Variants in SUN2 observed in about 807,000 individuals in gnomAD.
SUN2 encodes the protein SUN domain-containing protein 2.
Under a neutral mutation model 100.0 loss-of-function variants are expected in SUN2, and 60 were observed. The ratio of observed to expected loss-of-function variants is 0.60; its 90% confidence interval spans 0.49 to 0.74. The LOEUF (loss-of-function observed/expected upper bound fraction) is 0.74, where lower values mean the gene tolerates loss of function less well. Among genes scored for constraint, SUN2 ranks in the 30% least tolerant of loss-of-function variants. The pLI is 0.00. For missense variants in SUN2, 834 were observed against 954.6 expected (o/e 0.87, Z 1.66); for synonymous variants, 367 against 403.3 (o/e 0.91, Z 1.08).
chr22:38,745,224 G>A (rs998974481), intron 8 of SUN2: 1 of 469,366 alleles, frequency 2.1e-6, no homozygotes, highest in African/African-American at 2.0e-5. Context: ...CCTAGGCAAG[G>A]GCCTTGACCA....
At chr22:38,746,578 C>G (rs2092905094) in intron 7 of SUN2, among the ~76,000 whole-genome samples, 1 of 152,244 alleles carries the variant, frequency 6.6e-6, no homozygotes, top group African/African-American at 2.4e-5. Context: ...CATGCACACA[C>G]TCCCCGAGCA....
In SUN2 at chr22:38,737,628, C is replaced by G. The variant is rs1306553958; in HGVS notation, c.2040+545G>C. The stretch of plus-strand genomic sequence containing the variant: ...GTCCACCTCCCACTATCCCGCCAAC[C>G]CAATTCCTCACTCCAGGACTCCCCC... On this transcript the variant is annotated intron_variant, in intron 17 of 17. Coordinates refer to ENST00000689035, the MANE Select transcript of SUN2 (RefSeq NM_015374.3). This position sits in a 1 kb window ranked among gnomAD's most constrained non-coding sequence, Gnocchi z 4.1. 1 of 312,708 alleles carries G rather than the reference C, an allele frequency of 3.2e-6. No individual in the cohort carries two copies. The highest frequency in any genetic ancestry group is 8.9e-5 in the East Asian group (1 of 11,250). 19.4% of individuals were successfully genotyped at this position (312,708 alleles called of 1,614,324 possible).
chr22:38,752,044 C>T (rs565861886), intron 2 of SUN2, among the ~76,000 whole-genome samples: 9 of 152,264 alleles, frequency 5.9e-5, no homozygotes, highest in South Asian at 2.1e-4. Flanking sequence ...GCCATGATCT[C>T]GCTCACTGCA....
At position 38,739,651 on chromosome 22, in the gene SUN2, G is replaced by A. The variant is rs1212228810; in HGVS notation, c.1578+71C>T. 1 of 1,542,520 alleles carries A rather than the reference G, an allele frequency of 6.5e-7. No homozygotes were observed. The highest frequency in any genetic ancestry group is 1.4e-5 in the African/African-American group (1 of 73,768). On this transcript the variant is annotated intron_variant, in intron 13 of 17. Coordinates refer to ENST00000689035, the MANE Select transcript of SUN2 (RefSeq NM_015374.3). The surrounding 1 kb of genome is among the most constrained non-coding windows in gnomAD (Gnocchi z 6.7). ...TGGAACCTGCCAGGGAGCTGGCAGTGTGGGACTGTCCAGGGCTCCCAGGGA... is the reference window on the plus strand; with the variant it reads ...TGGAACCTGCCAGGGAGCTGGCAGTATGGGACTGTCCAGGGCTCCCAGGGA...
rs1474635869 is a variant in SUN2 at position 38,750,334 on chromosome 22, G to A, written c.425-14C>T. The A allele has an allele frequency of 6.2e-7, 1 of 1,613,774 alleles. No individual in the cohort carries two copies. The highest frequency in any genetic ancestry group is 8.5e-7 in the Non-Finnish European group (1 of 1,179,964). Reference sequence around the variant, plus strand: ...CATCCGAGTAGCCTGCGGGGAACGAGGACACTGGCTCAGTCTCTGTCACTT... The same window carrying A: ...CATCCGAGTAGCCTGCGGGGAACGAAGACACTGGCTCAGTCTCTGTCACTT... On this transcript the variant is annotated splice_polypyrimidine_tract_variant and intron_variant, in intron 4 of 17. Transcript: ENST00000689035.
chr22:38,738,354 G>T lies in SUN2; in HGVS notation c.1948-89C>A. On this transcript the variant is annotated intron_variant, in intron 16 of 17. Coordinates refer to ENST00000689035, the MANE Select transcript of SUN2 (RefSeq NM_015374.3). The surrounding 1 kb of genome is among the most constrained non-coding windows in gnomAD (Gnocchi z 6.6). Reference sequence around the variant, plus strand: ...AATCCCTGCTCCTCCCACCCAGCAGGTCAGGCACCAGAGTGGCCTATGACA... The same window carrying T: ...AATCCCTGCTCCTCCCACCCAGCAGTTCAGGCACCAGAGTGGCCTATGACA... The T allele has an allele frequency of 8.0e-7, 1 of 1,255,424 alleles. No homozygotes were observed. Among genetic ancestry groups the T allele is most frequent in the Non-Finnish European group, 1.1e-6 (1 of 882,204 alleles). The allele number at this position is 1,255,424 out of a possible 1,614,324, so 77.8% of individuals were successfully genotyped here. A position where few individuals can be genotyped will look rare whatever the true frequency, so the allele number is the denominator to read the frequency against.
rs1369246450 is a variant in SUN2, at chr22:38,738,647, C to A, written c.1887G>T (p.Val629=). The A allele has an allele frequency of 1.2e-6, 2 of 1,613,920 alleles. No individual in the cohort carries two copies. The highest frequency in any genetic ancestry group is 2.7e-5 in the African/African-American group (2 of 74,934). Reference sequence around the variant, plus strand: ...TGCTGTTGGGTGACAAGGCCTTGGGCACATGCTCTAAGGTAACGGCTGTGG... The same window carrying A: ...TGCTGTTGGGTGACAAGGCCTTGGGAACATGCTCTAAGGTAACGGCTGTGG... ...IRPTAVTLEH[V]PKALSPNSTI... Residue 629 remains valine, a synonymous_variant, in exon 16 of 18, where the codon GTG becomes GTT. Coordinates refer to ENST00000689035, the MANE Select transcript of SUN2 (RefSeq NM_015374.3). This position sits in a 1 kb window ranked among gnomAD's most constrained non-coding sequence, Gnocchi z 6.6.
Position 38,740,436 on chromosome 22 carries a change from G to C in SUN2, c.1191-4C>G. 1 of 1,487,922 alleles carries C rather than the reference G, an allele frequency of 6.7e-7. No individual in the cohort carries two copies. Among genetic ancestry groups the C allele is most frequent in the Non-Finnish European group, 9.0e-7 (1 of 1,111,440 alleles). 92.2% of individuals were successfully genotyped at this position (1,487,922 alleles called of 1,614,324 possible). On this transcript the variant is annotated splice_region_variant and splice_polypyrimidine_tract_variant and intron_variant, in intron 11 of 17. Transcript: ENST00000689035. The surrounding 1 kb of genome is among the most constrained non-coding windows in gnomAD (Gnocchi z 4.8). Reference sequence around the variant, plus strand: ...CTGGAAGGACTCCTGGGTCATGCTGGTCCCAGAGAGAGAAGAGTAAGCCTC... The same window carrying C: ...CTGGAAGGACTCCTGGGTCATGCTGCTCCCAGAGAGAGAAGAGTAAGCCTC...
At chr22:38,749,647 A>G in intron 6 of SUN2, 119 bp downstream of exon 6, 1 of 934,102 alleles carries the variant, frequency 1.1e-6, no homozygotes, top group Non-Finnish European at 1.6e-6. Context: ...TCGCTAATAA[A>G]GGCTCCAGGG....
At chr22:38,749,679 G>T in intron 6 of SUN2, 87 bp downstream of exon 6, 1 of 1,260,936 alleles carries the variant, frequency 7.9e-7, no homozygotes, top group Non-Finnish European at 1.1e-6. Context: ...AACCCTCAGA[G>T]AATCGACCAT....
At chr22:38,754,610 C>CGGGGGGGG in intron 1 of SUN2, 1 of 492,988 alleles carries the variant, frequency 2.0e-6, no homozygotes, top group Non-Finnish European at 3.7e-6. Flanking sequence ...ATCTCCCCTC[C>CGGGGGGGG]CCCCTCCCTG....
In SUN2 at chr22:38,749,363, TA is replaced by T. The variant is rs1168833257; in HGVS notation, c.614+402del. Among the ~76,000 whole-genome samples the T allele has an allele frequency of 3.3e-5, 5 of 152,084 alleles. 1 individual carries two copies. The highest frequency in any genetic ancestry group is 4.1e-4 in the South Asian group (2 of 4,820). ...ACCATGAGTGGGGAACTCGGGGGGTTAGATTGTCCCAGGCCCAAGAAGGAAG... is the reference window on the plus strand; with the variant it reads ...ACCATGAGTGGGGAACTCGGGGGGTTGATTGTCCCAGGCCCAAGAAGGAAG... On this transcript the variant is annotated intron_variant, in intron 6 of 17. Transcript: ENST00000689035.
At chr22:38,746,541 C>T (rs1280148828) in intron 7 of SUN2, among the ~76,000 whole-genome samples, 2 of 152,222 alleles carry the variant, frequency 1.3e-5, no homozygotes, top group African/African-American at 4.8e-5. Context: ...GCCCATGGGG[C>T]TTGAAGTCCA....
Position 38,738,825 on chromosome 22 carries a change from C to G in SUN2, c.1779+48G>C. On this transcript the variant is annotated intron_variant, in intron 15 of 17. Coordinates refer to ENST00000689035, the MANE Select transcript of SUN2 (RefSeq NM_015374.3). This position sits in a 1 kb window ranked among gnomAD's most constrained non-coding sequence, Gnocchi z 6.6. ...TCTTGCTGACCCCAGATGGGACCAG[C>G]CCTCAGTGTGCTCAGAGCCCCCGCT... is the stretch of plus-strand genomic sequence containing the variant. The G allele has an allele frequency of 5.6e-6, 9 of 1,596,592 alleles. No individual in the cohort carries two copies. The highest frequency in any genetic ancestry group is 7.7e-6 in the Non-Finnish European group (9 of 1,168,824).
In SUN2 at chr22:38,739,338, G is replaced by A. The variant is rs367645117; in HGVS notation, c.1663+4C>T. 4.7e-5 allele frequency: 75 copies of A among 1,612,796 alleles called. No homozygotes were observed. The African/African-American group carries it at 4.7e-4, about 10-fold the overall frequency. On this transcript the variant is annotated splice_donor_region_variant and intron_variant, in intron 14 of 17. Transcript: ENST00000689035. This position sits in a 1 kb window ranked among gnomAD's most constrained non-coding sequence, Gnocchi z 6.7. The stretch of plus-strand genomic sequence containing the variant: ...AGGCAGAGCGAGGAAAGCAGAGCAC[G>A]TACCTCCTGACTCCAGGGCGTAGTC...
chr22:38,739,586 C>A lies in SUN2; in HGVS notation c.1578+136G>T. ...GCACACTGCCACCCACCCATGCCAG[C>A]CCCACAGCATGCAAAGCCTCCTGCT... On this transcript the variant is annotated intron_variant, in intron 13 of 17. Transcript: ENST00000689035. The surrounding 1 kb of genome is among the most constrained non-coding windows in gnomAD (Gnocchi z 6.7). The A allele has an allele frequency of 7.7e-7, 1 of 1,304,470 alleles. No homozygotes were observed. The highest frequency in any genetic ancestry group is 2.5e-5 in the East Asian group (1 of 40,126). 80.8% of individuals were successfully genotyped at this position (1,304,470 alleles called of 1,614,324 possible). A position where few individuals can be genotyped will look rare whatever the true frequency, so the allele number is the denominator to read the frequency against.
intron 8 of SUN2, chr22:38,743,411 ACC>A (rs2092876362): frequency 6.6e-6 from 1 of 152,164 alleles, no homozygotes; most frequent in African/African-American, 2.4e-5. Flanking sequence ...GTATGGCGAA[ACC>A]CTGTGTCTAC....
intron 4 of SUN2, 46 bp from the exon 5 acceptor site, chr22:38,750,366 C>T: frequency 1.2e-6 from 2 of 1,609,716 alleles, no homozygotes; most frequent in Non-Finnish European, 1.7e-6. Context: ...ACTTTCGAGC[C>T]TCTTCCTTCA....
rs149736949 is a variant in SUN2, at chr22:38,752,367, C to T, written c.122+140G>A. ...TGGAGCAAGGAAGGACCCCCTCGAC[C>T]GGACGGGGGCCCACGTCCTTCGATT... On this transcript the variant is annotated intron_variant, in intron 2 of 17. Coordinates refer to ENST00000689035, the MANE Select transcript of SUN2 (RefSeq NM_015374.3). 5.9e-4 allele frequency: 623 copies of T among 1,054,340 alleles called. 4 individuals carry two copies. The East Asian group carries it at 9.4e-3, about 16-fold the overall frequency. The allele number at this position is 1,054,340 out of a possible 1,614,324, so 65.3% of individuals were successfully genotyped here.
Sources: gnomAD v4.1 joint callset for allele counts (sites outside exome capture counted in the v4.1 genomes callset) on GRCh38, gnomAD v4.1.1 for gene constraint, Gnocchi (gnomAD v3.1) non-coding constraint, MANE v1.5 for transcripts, NCBI Gene and HGNC (gene_info 2026-07-23, HGNC 2026-07-21) for gene names.